Variants in PDE3A observed in about 807,000 individuals in gnomAD.
The protein encoded by PDE3A is cGMP-inhibited 3',5'-cyclic phosphodiesterase 3A.
In PDE3A, 43 loss-of-function variants were observed where a neutral mutation model predicts 98.3. The observed-to-expected ratio is 0.44, with a 90% confidence interval of 0.34 to 0.56. The LOEUF is 0.56. Ranked by LOEUF, PDE3A falls within the 20% of genes least tolerant of loss-of-function variation. The probability of loss-of-function intolerance (pLI) is 0.01; values close to 1 mark genes in which losing one functional copy is unlikely to be tolerated. For synonymous variants in PDE3A, 663 were observed against 567.9 expected, an observed-to-expected ratio of 1.17 and a Z score of -2.38; for missense variants, 1,427 against 1,440.7, an observed-to-expected ratio of 0.99 and a Z score of 0.15.
At chr12:20,446,718 TG>T (rs1944961857) in intron 1 of PDE3A, among the ~76,000 whole-genome samples, 1 of 152,164 alleles carries the variant, frequency 6.6e-6, no homozygotes, top group South Asian at 2.1e-4. Context: ...CAGCTAGTAA[TG>T]TATTTGGAGG....
rs190031792 is a variant in PDE3A at position 20,615,811 on chromosome 12, C to T, written c.1270-419C>T. Among the ~76,000 whole-genome samples the T allele has an allele frequency of 1.3e-4, 20 of 151,998 alleles. No individual in the cohort carries two copies. In the East Asian group the frequency reaches 1.6e-3, roughly 12 times the overall value. On this transcript the variant is annotated intron_variant, in intron 3 of 15. Transcript: ENST00000359062. ...TGTGATCTCAGCTCACTGCAACCTC[C>T]GCCTCCCAGTCTCAAGTGACTCTCC...
chr12:20,576,898 G>T (rs1942944687), intron 2 of PDE3A, among the ~76,000 whole-genome samples: 3 of 150,698 alleles, frequency 2.0e-5, no homozygotes. Flanking sequence ...ATTTTACAAA[G>T]AAATAAAAGG....
At chr12:20,447,834 G>T (rs1364121980) in intron 1 of PDE3A, among the ~76,000 whole-genome samples, 5 of 152,258 alleles carry the variant, frequency 3.3e-5, no homozygotes, top group South Asian at 2.1e-4. Flanking sequence ...TCACAACCTG[G>T]GATTTGGAAT....
chr12:20,626,684 G>A (rs2121497359), intron 5 of PDE3A, among the ~76,000 whole-genome samples: 1 of 152,210 alleles, frequency 6.6e-6, no homozygotes, highest in Non-Finnish European at 1.5e-5. Context: ...TTTTAGTAGA[G>A]ATGGGGTTTC....
chr12:20,674,013 G>A (rs967339649), intron 15 of PDE3A, among the ~76,000 whole-genome samples: 5 of 151,986 alleles, frequency 3.3e-5, no homozygotes, highest in Non-Finnish European at 5.9e-5. Context: ...TCAGATTTTT[G>A]TAGTTTTCCA....
Position 20,552,408 on chromosome 12 carries a change from G to A in PDE3A, c.961-4252G>A. 6.2e-7 allele frequency: 1 copy of A among 1,613,264 alleles called. No individual in the cohort carries two copies. The highest frequency in any genetic ancestry group is 8.5e-7 in the Non-Finnish European group (1 of 1,179,856). ...ATGAGCCCGGCCCTTGGACGAAGGA[G>A]GGGAAGGACCGGATCAAGAAGCTGG... On this transcript the variant is annotated intron_variant, in intron 1 of 15. Coordinates refer to ENST00000359062, the MANE Select transcript of PDE3A (RefSeq NM_000921.5). This position sits in a 1 kb window ranked among gnomAD's most constrained non-coding sequence, Gnocchi z 5.1.
At chr12:20,373,534 A>G (rs1369237110) in intron 1 of PDE3A, among the ~76,000 whole-genome samples, 1 of 152,126 alleles carries the variant, frequency 6.6e-6, no homozygotes, top group African/African-American at 2.4e-5. Context: ...AAAGAACTAT[A>G]ATTGGCTGCT....
At chr12:20,479,868 G>A (rs1945593415) in intron 1 of PDE3A, among the ~76,000 whole-genome samples, 1 of 152,160 alleles carries the variant, frequency 6.6e-6, no homozygotes, top group Non-Finnish European at 1.5e-5. Context: ...AAATGGACTG[G>A]TATAGCAAAG....
intron 1 of PDE3A, among the ~76,000 whole-genome samples, chr12:20,426,909 T>C (rs1944609919): frequency 6.6e-6 from 1 of 152,204 alleles, no homozygotes. Flanking sequence ...AAAAGTTCAT[T>C]AAAATTTTAG....
chr12:20,616,202 G>A (rs781398390), intron 3 of PDE3A, 28 bp from the exon 4 acceptor site: 9 of 1,603,508 alleles, frequency 5.6e-6, no homozygotes, highest in Middle Eastern at 3.3e-4. Context: ...AAAATATTCT[G>A]GGTAATGAAG....
intron 1 of PDE3A, among the ~76,000 whole-genome samples, chr12:20,457,019 A>G (rs903152044): frequency 1.3e-5 from 2 of 152,082 alleles, no homozygotes; most frequent in Non-Finnish European, 2.9e-5. Context: ...TTTTTTATAC[A>G]GTCAAATCAA....
chr12:20,511,228 C>T (rs12229120), intron 1 of PDE3A, among the ~76,000 whole-genome samples: 1 of 152,066 alleles, frequency 6.6e-6, no homozygotes, highest in Non-Finnish European at 1.5e-5. Context: ...GCTCCGCATA[C>T]TGCAGTGTTC....
chr12:20,596,784 C>T (rs1024070521), intron 2 of PDE3A, among the ~76,000 whole-genome samples: 5 of 152,050 alleles, frequency 3.3e-5, no homozygotes, highest in African/African-American at 1.2e-4. Flanking sequence ...AGGGAGTCAA[C>T]CATGAAATCT....
At chr12:20,613,314 G>A (rs1428227742) in intron 2 of PDE3A, 129 bp from the exon 3 acceptor site, 2 of 833,902 alleles carry the variant, frequency 2.4e-6, no homozygotes, top group Non-Finnish European at 3.7e-6. Flanking sequence ...TAGGTGGTGT[G>A]AATTTTACTG....
chr12:20,447,104 A>C (rs545536628), intron 1 of PDE3A, among the ~76,000 whole-genome samples: 1 of 152,296 alleles, frequency 6.6e-6, no homozygotes, highest in Non-Finnish European at 1.5e-5. Flanking sequence ...GCTCTTCAGA[A>C]GAGAAACTGG....
chr12:20,627,816 A>G (rs995913386), intron 5 of PDE3A, among the ~76,000 whole-genome samples: 2 of 152,156 alleles, frequency 1.3e-5, no homozygotes, highest in African/African-American at 4.8e-5. Flanking sequence ...TACTTGTTGG[A>G]TGAAGAAATC....
At chr12:20,418,254 G>T (rs558036691) in intron 1 of PDE3A, among the ~76,000 whole-genome samples, 2 of 152,036 alleles carry the variant, frequency 1.3e-5, no homozygotes, top group Non-Finnish European at 1.5e-5. Context: ...TAAATGTGTC[G>T]GGAGGATTAA....
chr12:20,488,751 G>A lies in PDE3A; in HGVS notation c.961-67909G>A, dbSNP rs151145478. Among the ~76,000 whole-genome samples, 1,022 of 151,900 alleles carry A rather than the reference G, an allele frequency of 6.7e-3. 16 individuals carry two copies. The highest frequency in any genetic ancestry group is 0.023 in the African/African-American group (961 of 41,408). The stretch of plus-strand genomic sequence containing the variant: ...TATACTGTAGGTACAAAGCCACCAC[G>A]TGTACCTGTAGTCCCAGCTACTCGA... On this transcript the variant is annotated intron_variant, in intron 1 of 15. Transcript: ENST00000359062.
chr12:20,479,980 T>C (rs1945595225), intron 1 of PDE3A, among the ~76,000 whole-genome samples: 1 of 152,216 alleles, frequency 6.6e-6, no homozygotes, highest in African/African-American at 2.4e-5. Context: ...TTTAACCATC[T>C]TTTTCTGAGT....
Sources: allele counts gnomAD v4.1 joint callset (sites outside exome capture counted in the v4.1 genomes callset), GRCh38; gene constraint gnomAD v4.1.1; non-coding constraint Gnocchi (gnomAD v3.1); transcripts MANE v1.5; gene names NCBI Gene and HGNC (gene_info 2026-07-23, HGNC 2026-07-21).